Variants in SESTD1 observed in about 807,000 individuals in gnomAD.
The protein encoded by SESTD1 is SEC14 and spectrin domain containing 1, also known as SEC14 domain and spectrin repeat-containing protein 1.
In SESTD1, 43 loss-of-function variants were observed where a neutral mutation model predicts 101.7. That is an observed-to-expected ratio of 0.42 (90% CI 0.33 to 0.55). SESTD1 has a LOEUF of 0.55. SESTD1 is among the 20% of genes least tolerant of loss of function. The pLI, the probability that SESTD1 is intolerant of heterozygous loss-of-function variation, is 0.07. For missense variants in SESTD1, 647 were observed against 815.1 expected (o/e 0.79, Z 2.51); for synonymous variants, 283 against 286.8 (o/e 0.99, Z 0.13).
chr2:179,131,316 C>T (rs901605344), intron 10 of SESTD1, among the ~76,000 whole-genome samples: 2 of 152,124 alleles, frequency 1.3e-5, no homozygotes, highest in Admixed American at 1.3e-4. Context: ...CTCATTCATT[C>T]AAATTTATTC....
rs552456681 is a variant in SESTD1 at position 179,236,323 on chromosome 2, T to TAAAA, written c.-26+28172_-26+28175dup. ...GGCAACATAGTGAGACCTCATCTCT[T>TAAAA]AAAAAAAAAAAAAAAAAAAAAAAAA... On this transcript the variant is annotated intron_variant, in intron 1 of 17. Coordinates refer to ENST00000428443, the MANE Select transcript of SESTD1 (RefSeq NM_178123.5). 1.9e-4 allele frequency among the ~76,000 whole-genome samples: 13 copies of TAAAA among 66,716 alleles called. 1 individual carries two copies. Among genetic ancestry groups the TAAAA allele is most frequent in the East Asian group, 4.2e-4 (1 of 2,378 alleles). 43.8% of individuals were successfully genotyped at this position (66,716 alleles called of 152,430 possible).
chr2:179,163,438 C>T (rs1318638758), intron 5 of SESTD1, among the ~76,000 whole-genome samples: 3 of 151,810 alleles, frequency 2.0e-5, no homozygotes, highest in East Asian at 3.9e-4. Context: ...TTACTAGTTG[C>T]GTTCAAAGTA....
intron 1 of SESTD1, among the ~76,000 whole-genome samples, chr2:179,229,816 C>CACACAA (rs1553529899): frequency 3.7e-5 from 5 of 134,698 alleles, no homozygotes; most frequent in African/African-American, 1.4e-4. Flanking sequence ...CACACACACA[C>CACACAA]AACCCTACTT....
intron 1 of SESTD1, among the ~76,000 whole-genome samples, chr2:179,251,778 C>T (rs1325900426): frequency 6.6e-6 from 1 of 152,114 alleles, no homozygotes; most frequent in Admixed American, 6.5e-5. Flanking sequence ...TGCCCTTTTT[C>T]CCATATGAAG....
rs1290626571 is a variant in SESTD1, at chr2:179,211,113, G to T, written c.-25-19247C>A. Reference sequence around the variant, plus strand: ...AAGGAATATACCTAACCAAGGAAGTGAAAGATCTCTACAAGGAAAACTACA... The same window carrying T: ...AAGGAATATACCTAACCAAGGAAGTTAAAGATCTCTACAAGGAAAACTACA... On this transcript the variant is annotated intron_variant, in intron 1 of 17. Coordinates refer to ENST00000428443, the MANE Select transcript of SESTD1 (RefSeq NM_178123.5). Among the ~76,000 whole-genome samples the T allele has an allele frequency of 2.3e-5, 3 of 131,980 alleles. 1 individual carries two copies. The highest frequency in any genetic ancestry group is 9.0e-5 in the African/African-American group (3 of 33,238). 86.6% of individuals were successfully genotyped at this position (131,980 alleles called of 152,430 possible). A position where few individuals can be genotyped will look rare whatever the true frequency, so the allele number is the denominator to read the frequency against.
In SESTD1 at chr2:179,263,737, C is replaced by G. The variant is rs533357831; in HGVS notation, c.-26+762G>C. ...GTGCATCCCAGGGTGAAATCCCACC[C>G]GTACCCTCAAGAGCTGGTCAGACTG... On this transcript the variant is annotated intron_variant, in intron 1 of 17. Transcript: ENST00000428443. 8.5e-5 allele frequency among the ~76,000 whole-genome samples: 13 copies of G among 152,302 alleles called. No homozygotes were observed. The East Asian group carries it at 2.3e-3, about 27-fold the overall frequency.
At position 179,103,811 on chromosome 2, in the gene SESTD1, T is replaced by C. The variant is rs2044323991; in HGVS notation, c.*6088A>G. The C allele has an allele frequency of 6.6e-6, 1 of 152,132 alleles. No individual in the cohort carries two copies. The highest frequency in any genetic ancestry group is 2.4e-5 in the African/African-American group (1 of 41,436). The allele number at this position is 152,132 out of a possible 1,614,324, so 9.4% of individuals were successfully genotyped here. On this transcript the variant is annotated 3_prime_UTR_variant, in exon 18 of 18. Transcript: ENST00000428443. ...GTGGTGATAACGTTTCCTATTTCCA[T>C]AGCACTATATGCATTTGCCAAACCT...
intron 5 of SESTD1, among the ~76,000 whole-genome samples, chr2:179,153,499 C>T (rs1395685998): frequency 6.6e-6 from 1 of 152,122 alleles, no homozygotes; most frequent in Non-Finnish European, 1.5e-5. Context: ...CACACTCTCT[C>T]GCTCTCTCTC....
chr2:179,193,438 T>C (rs2046346959), intron 1 of SESTD1, among the ~76,000 whole-genome samples: 2 of 152,298 alleles, frequency 1.3e-5, no homozygotes, highest in South Asian at 2.1e-4. Context: ...CTAAAACTAG[T>C]AGCACTTCAT....
chr2:179,115,348 G>T, intron 15 of SESTD1, 92 bp from the exon 16 acceptor site: 1 of 877,850 alleles, frequency 1.1e-6, no homozygotes, highest in Non-Finnish European at 1.7e-6. Context: ...TTACAGTTAA[G>T]TGACACTACT....
intron 1 of SESTD1, among the ~76,000 whole-genome samples, chr2:179,242,330 G>GA (rs1231474919): frequency 6.6e-6 from 1 of 152,078 alleles, no homozygotes; most frequent in African/African-American, 2.4e-5. Flanking sequence ...AGAACTAATG[G>GA]AAAAACATTA....
At chr2:179,224,269 C>T (rs1267234787) in intron 1 of SESTD1, among the ~76,000 whole-genome samples, 1 of 152,138 alleles carries the variant, frequency 6.6e-6, no homozygotes, top group Non-Finnish European at 1.5e-5. Context: ...TCATTTATAA[C>T]TCACAACTAT....
At chr2:179,131,378 ATTTCC>A (rs1326492583) in intron 10 of SESTD1, among the ~76,000 whole-genome samples, 1 of 152,196 alleles carries the variant, frequency 6.6e-6, no homozygotes, top group Non-Finnish European at 1.5e-5. Context: ...AAAAATGGAC[ATTTCC>A]TAATACTATC....
chr2:179,263,182 G>C (rs1559168001), intron 1 of SESTD1, among the ~76,000 whole-genome samples: 1 of 152,206 alleles, frequency 6.6e-6, no homozygotes, highest in Non-Finnish European at 1.5e-5. Flanking sequence ...ATTTTTTCAC[G>C]TATTTAGTCA....
chr2:179,185,417 A>C (rs1377297080), intron 2 of SESTD1, among the ~76,000 whole-genome samples: 1 of 145,392 alleles, frequency 6.9e-6, no homozygotes, highest in African/African-American at 2.5e-5. Context: ...AATGTATATA[A>C]TATAGTATAT....
intron 5 of SESTD1, among the ~76,000 whole-genome samples, chr2:179,155,567 G>C (rs976497265): frequency 1.1e-4 from 16 of 151,788 alleles, no homozygotes; most frequent in Admixed American, 3.3e-4. Flanking sequence ...AGTGAGCTAT[G>C]ATCGTGCCAC....
At chr2:179,113,518 TTGAG>T (rs1387099090) in intron 16 of SESTD1, among the ~76,000 whole-genome samples, 2 of 152,144 alleles carry the variant, frequency 1.3e-5, no homozygotes, top group African/African-American at 4.8e-5. Context: ...ACTGCAAAAT[TTGAG>T]AGAGAGAATA....
At chr2:179,144,451 A>C (rs1257961157) in intron 8 of SESTD1, among the ~76,000 whole-genome samples, 1 of 152,154 alleles carries the variant, frequency 6.6e-6, no homozygotes, top group South Asian at 2.1e-4. Flanking sequence ...TTAGAACTGC[A>C]ATGAATGTGA....
chr2:179,167,135 T>C (rs764217407), intron 5 of SESTD1, among the ~76,000 whole-genome samples: 5 of 152,206 alleles, frequency 3.3e-5, no homozygotes, highest in Admixed American at 6.5e-5. Flanking sequence ...ATACTGATGC[T>C]ATAGAGAATG....
Sources: allele counts gnomAD v4.1 joint callset (sites outside exome capture counted in the v4.1 genomes callset), GRCh38; gene constraint gnomAD v4.1.1; transcripts MANE v1.5; gene names NCBI Gene and HGNC (gene_info 2026-07-23, HGNC 2026-07-21).